Variants in KAZN observed in about 807,000 individuals in gnomAD.
KAZN encodes the protein kazrin, periplakin interacting protein, also known as kazrin.
Under a neutral mutation model 87.4 loss-of-function variants are expected in KAZN, and 40 were observed. The ratio of observed to expected loss-of-function variants is 0.46; its 90% CI spans 0.36 to 0.60. KAZN has a LOEUF of 0.60. Ranked by LOEUF, KAZN falls within the 20% of genes least tolerant of loss-of-function variation. The pLI is 0.00. For synonymous variants in KAZN, 466 were observed against 458.3 expected, an observed-to-expected ratio of 1.02 and a Z score of -0.22; for missense variants, 898 against 1,073.9, an observed-to-expected ratio of 0.84 and a Z score of 2.29.
chr1:14,851,057 A>G (rs61773562), intron 1 of KAZN, among the ~76,000 whole-genome samples: 8,267 of 152,250 alleles, frequency 0.054, 332 homozygotes, highest in Admixed American at 0.11. Flanking sequence ...TGGACCAGCT[A>G]TGCCTTTGTC....
At position 14,044,930 on chromosome 1, in the gene KAZN, T is replaced by C. The variant is rs140693814; in HGVS notation, c.92-135505T>C. Reference sequence around the variant, plus strand: ...TTCTGCCGGGGTAGATCAGACCACATACTCTGGGGAAAACCAGTAGCCATA... The same window carrying C: ...TTCTGCCGGGGTAGATCAGACCACACACTCTGGGGAAAACCAGTAGCCATA... On this transcript the variant is annotated intron_variant, in intron 1 of 16. Coordinates refer to the KAZN transcript ENST00000636203. Among the ~76,000 whole-genome samples the C allele has an allele frequency of 2.0e-4, 30 of 152,118 alleles. 1 individual carries two copies. Among genetic ancestry groups the C allele is most frequent in the Admixed American group, 1.4e-3 (21 of 15,296 alleles).
intron 1 of KAZN, among the ~76,000 whole-genome samples, chr1:13,989,296 A>G (rs1166158852): frequency 6.6e-6 from 1 of 152,158 alleles, no homozygotes; most frequent in Non-Finnish European, 1.5e-5. Context: ...TATGGCAAGC[A>G]GAGATCAAGT....
At chr1:14,690,436 C>T (rs1169075254) in intron 1 of KAZN, among the ~76,000 whole-genome samples, 1 of 152,176 alleles carries the variant, frequency 6.6e-6, no homozygotes, top group Non-Finnish European at 1.5e-5. Flanking sequence ...GCTGGGCGTT[C>T]TCTGCGGCCA....
At position 13,999,783 on chromosome 1, in the gene KAZN, TAAC is replaced by T. The variant is rs773935246; in HGVS notation, c.91+106030_91+106032del. On this transcript the variant is annotated intron_variant, in intron 1 of 16. Transcript: ENST00000636203. ...CCAGGAGCTGGTTTTTTGAAAAAAT[TAAC>T]AAAATAAACCACTAGCTAGACTAAT... 2.4e-4 allele frequency among the ~76,000 whole-genome samples: 36 copies of T among 151,656 alleles called. No homozygotes were observed. The Middle Eastern group carries it at 0.01, about 43-fold the overall frequency.
intron 2 of KAZN, among the ~76,000 whole-genome samples, chr1:14,386,506 C>A (rs1661906624): frequency 6.6e-6 from 1 of 151,640 alleles, no homozygotes; most frequent in African/African-American, 2.4e-5. Context: ...TAGGGCAGGC[C>A]TGGTGGTGAC....
chr1:15,005,949 G>A (rs1209251539), intron 2 of KAZN, among the ~76,000 whole-genome samples: 3 of 152,176 alleles, frequency 2.0e-5, no homozygotes, highest in African/African-American at 7.2e-5. Context: ...GCCTTACCGC[G>A]ACACTGGGCC....
intron 1 of KAZN, among the ~76,000 whole-genome samples, chr1:13,962,758 G>T (rs1161757979): frequency 6.6e-6 from 1 of 152,086 alleles, no homozygotes; most frequent in African/African-American, 2.4e-5. Context: ...GTGTTTCACG[G>T]TGTTGGCCAG....
chr1:15,044,144 G>C lies in KAZN; in HGVS notation c.711G>C (p.Glu237Asp). Residue 237 changes from glutamate (E) to aspartate (D), a missense_variant, in exon 4 of 15, where the codon GAG becomes GAC. This residue lies in a region of KAZN where 521 missense variants were observed against 689.4 expected (regional missense o/e 0.76). Coordinates refer to ENST00000376030, the MANE Select transcript of KAZN (RefSeq NM_201628.3). ...AGGACAACCGGATGAAGGAGCTGGA[G>C]GCCGAGCTGGCCATGGTGAGAACCC... ...DLKDNRMKEL[E>D]AELAMAKQSL... 6.2e-7 allele frequency: 1 copy of C among 1,607,364 alleles called. No homozygotes were observed. Among genetic ancestry groups the C allele is most frequent in the Non-Finnish European group, 8.5e-7 (1 of 1,176,748 alleles).
chr1:14,362,801 C>T lies in KAZN; in HGVS notation c.249+182209C>T, dbSNP rs536597856. On this transcript the variant is annotated intron_variant, in intron 2 of 16. Transcript: ENST00000636203. Reference sequence around the variant, plus strand: ...AAATAGCAAATCTAGGATTCAAACTCAGACCTATTTGACTCCAAGGGGTAT... The same window carrying T: ...AAATAGCAAATCTAGGATTCAAACTTAGACCTATTTGACTCCAAGGGGTAT... Among the ~76,000 whole-genome samples, 11 of 152,326 alleles carry T rather than the reference C, an allele frequency of 7.2e-5. No homozygotes were observed. The South Asian group carries it at 1.9e-3, about 26-fold the overall frequency.
chr1:15,026,514 GA>G (rs35116340), intron 2 of KAZN, among the ~76,000 whole-genome samples: 2 of 152,066 alleles, frequency 1.3e-5, no homozygotes, highest in Non-Finnish European at 2.9e-5. Flanking sequence ...TAGAGCGGGG[GA>G]AAAAAGCAGC....
intron 8 of KAZN, among the ~76,000 whole-genome samples, chr1:15,070,985 G>A (rs1454814685): frequency 6.6e-6 from 1 of 152,188 alleles, no homozygotes; most frequent in South Asian, 2.1e-4. Flanking sequence ...GCCCCCACCT[G>A]TTCCCATTTT....
At chr1:14,340,747 C>T (rs1466277989) in intron 2 of KAZN, among the ~76,000 whole-genome samples, 2 of 152,206 alleles carry the variant, frequency 1.3e-5, no homozygotes, top group Non-Finnish European at 2.9e-5. Context: ...TTTATTCCAG[C>T]ATCCCTGATC....
chr1:14,557,139 A>AAAG (rs1376903337), intron 2 of KAZN, among the ~76,000 whole-genome samples: 1 of 152,222 alleles, frequency 6.6e-6, no homozygotes, highest in Non-Finnish European at 1.5e-5. Context: ...GGCAAATAGT[A>AAAG]AAGTCAAAAT....
At chr1:14,514,315 A>T (rs1303562365) in intron 2 of KAZN, among the ~76,000 whole-genome samples, 1 of 66,414 alleles carries the variant, frequency 1.5e-5, no homozygotes, top group Non-Finnish European at 2.9e-5. Context: ...ACAGAGCAAG[A>T]CTCTGTCTCA....
intron 4 of KAZN, among the ~76,000 whole-genome samples, chr1:15,045,714 A>G (rs925171585): frequency 6.6e-6 from 1 of 152,204 alleles, no homozygotes; most frequent in African/African-American, 2.4e-5. Flanking sequence ...AGAAACTCAT[A>G]ATCATGGCGG....
At chr1:14,694,203 A>G (rs1641477715) in intron 1 of KAZN, among the ~76,000 whole-genome samples, 1 of 151,668 alleles carries the variant, frequency 6.6e-6, no homozygotes, top group Admixed American at 6.6e-5. Context: ...TTCTCAGCTG[A>G]CCCCTCCACC....
chr1:14,507,999 G>A (rs1164700717), intron 2 of KAZN, among the ~76,000 whole-genome samples: 2 of 151,116 alleles, frequency 1.3e-5, no homozygotes, highest in African/African-American at 2.4e-5. Flanking sequence ...AAAATGTGAC[G>A]TTGCAGTACT....
At chr1:14,756,473 G>A (rs953844510) in intron 1 of KAZN, among the ~76,000 whole-genome samples, 12 of 152,220 alleles carry the variant, frequency 7.9e-5, no homozygotes, top group African/African-American at 2.2e-4. Context: ...AGCAGGAGGT[G>A]GAAGTGGCCA....
intron 1 of KAZN, among the ~76,000 whole-genome samples, chr1:14,892,707 T>C (rs1654844756): frequency 6.6e-6 from 1 of 152,152 alleles, no homozygotes; most frequent in Admixed American, 6.5e-5. Context: ...TAGGGGTGTG[T>C]GTTCATGTCC....
Sources: gnomAD v4.1 joint callset for allele counts (sites outside exome capture counted in the v4.1 genomes callset) on GRCh38, gnomAD v4.1.1 for gene constraint, gnomAD v4.1.1 regional missense constraint, MANE v1.5 for transcripts, NCBI Gene and HGNC (gene_info 2026-07-23, HGNC 2026-07-21) for gene names.